SCARB1: variants seen among roughly 807,000 people sequenced by gnomAD.
SCARB1 encodes the protein CD36 and LIMPII analogous 1.
SCARB1 carries 30 observed loss-of-function variants against 57.2 expected under a neutral mutation model. The ratio of observed to expected loss-of-function variants is 0.52; its 90% CI spans 0.39 to 0.71. SCARB1 has a LOEUF of 0.71. Ranked by LOEUF, SCARB1 falls within the 30% of genes least tolerant of loss-of-function variation. The pLI, the probability that SCARB1 is intolerant of heterozygous loss-of-function variation, is 0.00. For synonymous variants in SCARB1, 249 were observed against 268.3 expected, an observed-to-expected ratio of 0.93 and a Z score of 0.70; for missense variants, 543 against 671.2, an observed-to-expected ratio of 0.81 and a Z score of 2.11.
intron 2 of SCARB1, among the ~76,000 whole-genome samples, chr12:124,816,398 G>A (rs1050522700): frequency 6.6e-6 from 1 of 152,194 alleles, no homozygotes; most frequent in Non-Finnish European, 1.5e-5. Flanking sequence ...CCACTGCTGG[G>A]TCCCCTGTAC....
At position 124,786,212 on chromosome 12, in the gene SCARB1, C is replaced by T. The variant is rs1046624984; in HGVS notation, c.1401+145G>A. ...GTGCTGCGCAGCCCCCAGCAGTGAC[C>T]GCTCCCACTCCGGCAGAGACGCAGG... is the stretch of plus-strand genomic sequence containing the variant. On this transcript the variant is annotated intron_variant, in intron 11 of 12. Transcript: ENST00000261693. 10 of 1,597,322 alleles carry T rather than the reference C, an allele frequency of 6.3e-6. No homozygotes were observed. In the East Asian group the frequency reaches 8.9e-5, roughly 14 times the overall value.
Position 124,812,270 on chromosome 12 carries a change from A to C in SCARB1, c.631-305T>G, listed in dbSNP as rs2135667317. On this transcript the variant is annotated intron_variant, in intron 4 of 12. Transcript: ENST00000261693. This position sits in a 1 kb window ranked among gnomAD's most constrained non-coding sequence, Gnocchi z 4.3. Reference sequence around the variant, plus strand: ...CCACACCCTACTCCAGCATAAAATAAAGCATGGCCAGGTCAGCTCCCTGAG... The same window carrying C: ...CCACACCCTACTCCAGCATAAAATACAGCATGGCCAGGTCAGCTCCCTGAG... Among the ~76,000 whole-genome samples the C allele has an allele frequency of 6.6e-6, 1 of 152,194 alleles. No homozygotes were observed. The highest frequency in any genetic ancestry group is 1.9e-4 in the East Asian group (1 of 5,196).
At chr12:124,790,775 G>A (rs192772782) in intron 9 of SCARB1, among the ~76,000 whole-genome samples, 20 of 152,338 alleles carry the variant, frequency 1.3e-4, no homozygotes, top group African/African-American at 3.8e-4. Context: ...CTCAAGCGTC[G>A]CTGCCTGGAT....
chr12:124,795,129 C>T, intron 9 of SCARB1, 66 bp downstream of exon 9: 1 of 1,331,016 alleles, frequency 7.5e-7, no homozygotes, highest in Non-Finnish European at 1.1e-6. Context: ...AGTCTGGGAC[C>T]ACTGGAGCAC....
At position 124,817,025 on chromosome 12, in the gene SCARB1, T is replaced by C. The variant is rs1950745038; in HGVS notation, c.284+525A>G. Among the ~76,000 whole-genome samples the C allele has an allele frequency of 1.9e-5, 1 of 51,434 alleles. No homozygotes were observed. The highest frequency in any genetic ancestry group is 7.6e-5 in the African/African-American group (1 of 13,132). 33.7% of individuals were successfully genotyped at this position (51,434 alleles called of 152,430 possible). Reference sequence around the variant, plus strand: ...GTCCCTGCTCCTGGTCATGCATGTGTGTGTGTGTGTGTGTGTGTGTGTGTA... The same window carrying C: ...GTCCCTGCTCCTGGTCATGCATGTGCGTGTGTGTGTGTGTGTGTGTGTGTA... On this transcript the variant is annotated intron_variant, in intron 2 of 12. Coordinates refer to ENST00000261693, the MANE Select transcript of SCARB1 (RefSeq NM_005505.5). The surrounding 1 kb of genome is among the most constrained non-coding windows in gnomAD (Gnocchi z 4.8).
intron 11 of SCARB1, 198 bp from the exon 12 acceptor site, chr12:124,783,009 A>G (rs1019245722): frequency 1.0e-5 from 6 of 580,630 alleles, no homozygotes; most frequent in Non-Finnish European, 1.5e-5. Flanking sequence ...ATCTTCAGGA[A>G]ACACACCTGG....
chr12:124,833,104 C>T (rs1242118021), intron 1 of SCARB1, among the ~76,000 whole-genome samples: 1 of 152,004 alleles, frequency 6.6e-6, no homozygotes, highest in Non-Finnish European at 1.5e-5. Context: ...CCTACTCTGA[C>T]CCTCCTGCCT....
chr12:124,782,150 C>CCA (rs981630061), intron 12 of SCARB1, among the ~76,000 whole-genome samples: 1 of 152,298 alleles, frequency 6.6e-6, no homozygotes, highest in Admixed American at 6.5e-5. Flanking sequence ...CTCAAATGAT[C>CCA]CACCTGCTTC....
chr12:124,859,764 G>A (rs1278718375), intron 1 of SCARB1, among the ~76,000 whole-genome samples: 1 of 152,126 alleles, frequency 6.6e-6, no homozygotes, highest in African/African-American at 2.4e-5. Context: ...AAGGCCAGGA[G>A]TTCGAGACCA....
Position 124,807,787 on chromosome 12 carries a change from A to G in SCARB1, c.983T>C (p.Ile328Thr). 1 of 1,614,156 alleles carries G rather than the reference A, an allele frequency of 6.2e-7. No individual in the cohort carries two copies. The highest frequency in any genetic ancestry group is 1.1e-5 in the South Asian group (1 of 91,086). Residue 328 changes from isoleucine (I) to threonine (T), a missense_variant, in exon 7 of 13, where the codon ATT becomes ACT. Coordinates refer to ENST00000261693, the MANE Select transcript of SCARB1 (RefSeq NM_005505.5). This position sits in a 1 kb window ranked among gnomAD's most constrained non-coding sequence, Gnocchi z 5.3. Reference protein sequence around the residue: ...EGFCPCLESGIQNVSTCRFSA... With the variant: ...EGFCPCLESGTQNVSTCRFSA... ...GAACCTGCAGGTGCTGACGTTCTGA[A>G]TTCCAGACTCCAGGCACGGGCAGAA... is the stretch of plus-strand genomic sequence containing the variant.
chr12:124,831,431 A>G (rs1356466129), intron 1 of SCARB1, among the ~76,000 whole-genome samples: 2 of 152,122 alleles, frequency 1.3e-5, no homozygotes, highest in Non-Finnish European at 2.9e-5. Context: ...GCAAAAAATT[A>G]TTGATCCAGG....
At chr12:124,859,513 A>C (rs934142380) in intron 1 of SCARB1, among the ~76,000 whole-genome samples, 1 of 147,088 alleles carries the variant, frequency 6.8e-6, no homozygotes, top group African/African-American at 2.5e-5. Context: ...CCTGGGCGAC[A>C]GAGCGAGACT....
chr12:124,817,545 C>T lies in SCARB1; in HGVS notation c.284+5G>A. ...CCCTCCACCCTCACCTGGACACAGC[C>T]TCACCTGTACACGTAGGGCCCGCGC... On this transcript the variant is annotated splice_donor_5th_base_variant and intron_variant, in intron 2 of 12. Transcript: ENST00000261693. This position sits in a 1 kb window ranked among gnomAD's most constrained non-coding sequence, Gnocchi z 4.8. The T allele has an allele frequency of 6.2e-7, 1 of 1,613,688 alleles. No homozygotes were observed. Among genetic ancestry groups the T allele is most frequent in the South Asian group, 1.1e-5 (1 of 91,084 alleles).
At chr12:124,806,940 T>C (rs993588826) in intron 7 of SCARB1, among the ~76,000 whole-genome samples, 7 of 151,664 alleles carry the variant, frequency 4.6e-5, no homozygotes, top group Non-Finnish European at 7.4e-5. Flanking sequence ...GGCTCACACC[T>C]ATAATCCCAG....
intron 1 of SCARB1, among the ~76,000 whole-genome samples, chr12:124,819,289 T>C (rs1472239684): frequency 6.6e-6 from 1 of 152,126 alleles, no homozygotes; most frequent in Non-Finnish European, 1.5e-5. Context: ...AAAGGCCCTG[T>C]GGTAGGGAGA....
At chr12:124,851,742 G>A (rs1952409838) in intron 1 of SCARB1, among the ~76,000 whole-genome samples, 1 of 151,764 alleles carries the variant, frequency 6.6e-6, no homozygotes, top group African/African-American at 2.4e-5. Context: ...AAGTAGCTGG[G>A]ACTACAGGTG....
At chr12:124,840,522 T>C (rs1329552165) in intron 1 of SCARB1, among the ~76,000 whole-genome samples, 1 of 152,058 alleles carries the variant, frequency 6.6e-6, no homozygotes, top group African/African-American at 2.4e-5. Flanking sequence ...TTTAATGGGG[T>C]TGTCTGACTC....
chr12:124,859,152 G>T (rs1022164638), intron 1 of SCARB1, among the ~76,000 whole-genome samples: 1 of 152,154 alleles, frequency 6.6e-6, no homozygotes, highest in African/African-American at 2.4e-5. Context: ...ATAAAGTGCT[G>T]GGATCGCAAG....
At position 124,796,403 on chromosome 12, in the gene SCARB1, CTTTTT is replaced by C. The variant is rs375977532; in HGVS notation, c.1129-1140_1129-1136del. On this transcript the variant is annotated intron_variant, in intron 8 of 12. Transcript: ENST00000261693. The surrounding 1 kb of genome is among the most constrained non-coding windows in gnomAD (Gnocchi z 4.0). ...CTATACCCAGCTCTTTTTAACGAGACTTTTTTTTTTAAGTAAATAACCGAAGTGAC... is the reference window on the plus strand; with the variant it reads ...CTATACCCAGCTCTTTTTAACGAGACTTTTTAAGTAAATAACCGAAGTGAC... Among the ~76,000 whole-genome samples, 6 of 149,718 alleles carry C rather than the reference CTTTTT, an allele frequency of 4.0e-5. No homozygotes were observed. The East Asian group carries it at 5.8e-4, about 15-fold the overall frequency.
Sources: allele counts gnomAD v4.1 joint callset (sites outside exome capture counted in the v4.1 genomes callset), GRCh38; gene constraint gnomAD v4.1.1; non-coding constraint Gnocchi (gnomAD v3.1); transcripts MANE v1.5; gene names NCBI Gene and HGNC (gene_info 2026-07-23, HGNC 2026-07-21).